BCL2: variants seen among roughly 807,000 people sequenced by gnomAD.
BCL2 encodes the protein apoptosis regulator Bcl-2.
In BCL2, 1 loss-of-function variant was observed where a neutral mutation model predicts 14.2. The observed-to-expected ratio is 0.07, with a 90% confidence interval of 0.02 to 0.33. BCL2 has a LOEUF of 0.33. Ranked by LOEUF, BCL2 falls within the 10% of genes least tolerant of loss-of-function variation. The pLI, the probability that BCL2 is intolerant of heterozygous loss-of-function variation, is 0.99. For missense variants in BCL2, 247 were observed against 305.9 expected (o/e 0.81, Z 1.44); for synonymous variants, 151 against 137.2 (o/e 1.10, Z -0.70).
At chr18:63,237,784 C>T (rs1262113804) in intron 2 of BCL2, among the ~76,000 whole-genome samples, 3 of 152,176 alleles carry the variant, frequency 2.0e-5, no homozygotes, top group Non-Finnish European at 4.4e-5. Flanking sequence ...AGCTTAAACA[C>T]CAAATCTGGA....
chr18:63,266,637 T>TCTCTCTCTCTCTCA (rs1491465885), intron 2 of BCL2, among the ~76,000 whole-genome samples: 2 of 85,940 alleles, frequency 2.3e-5, no homozygotes, highest in African/African-American at 7.2e-5. Context: ...TCTCTCTCTC[T>TCTCTCTCTCTCTCA]CACACACACA....
intron 2 of BCL2, among the ~76,000 whole-genome samples, chr18:63,164,344 G>T (rs1221216612): frequency 1.3e-5 from 2 of 152,186 alleles, no homozygotes; most frequent in Non-Finnish European, 2.9e-5. Flanking sequence ...GCTGCCATTA[G>T]ATTTGCTTAC....
At chr18:63,269,369 TTTTG>T (rs1368593016) in intron 2 of BCL2, among the ~76,000 whole-genome samples, 5 of 152,060 alleles carry the variant, frequency 3.3e-5, no homozygotes, top group African/African-American at 1.2e-4. Context: ...TTCATGAGAC[TTTTG>T]TGGGACCCAC....
At chr18:63,240,587 T>G (rs1910973075) in intron 2 of BCL2, among the ~76,000 whole-genome samples, 1 of 152,242 alleles carries the variant, frequency 6.6e-6, no homozygotes, top group South Asian at 2.1e-4. Context: ...TAAAATTCCA[T>G]GAAGGAAATT....
At chr18:63,242,267 A>C (rs1911028039) in intron 2 of BCL2, among the ~76,000 whole-genome samples, 1 of 152,250 alleles carries the variant, frequency 6.6e-6, no homozygotes, top group Admixed American at 6.5e-5. Flanking sequence ...AAGACCTGAG[A>C]TCACATCTAC....
intron 2 of BCL2, among the ~76,000 whole-genome samples, chr18:63,224,486 G>A (rs576199610): frequency 1.2e-4 from 18 of 152,180 alleles, no homozygotes; most frequent in Admixed American, 3.3e-4. Flanking sequence ...GGGAGATTGC[G>A]TGCAATAAAG....
At chr18:63,247,200 ATTT>A (rs35786465) in intron 2 of BCL2, among the ~76,000 whole-genome samples, 1 of 143,038 alleles carries the variant, frequency 7.0e-6, no homozygotes. Context: ...ATGCAACAGG[ATTT>A]TTTTTTTTTT....
intron 2 of BCL2, among the ~76,000 whole-genome samples, chr18:63,198,145 C>A (rs1277748104): frequency 6.6e-6 from 1 of 151,814 alleles, no homozygotes; most frequent in Non-Finnish European, 1.5e-5. Flanking sequence ...CCCCTGTATA[C>A]GCAAAGATGT....
chr18:63,218,026 T>C (rs549189146), intron 2 of BCL2, among the ~76,000 whole-genome samples: 1 of 152,132 alleles, frequency 6.6e-6, no homozygotes, highest in South Asian at 2.1e-4. Flanking sequence ...GATAGAAAGA[T>C]AGGCCCCAGA....
chr18:63,317,614 T>G, intron 2 of BCL2: 1 of 1,002,068 alleles, frequency 1.0e-6, no homozygotes, highest in Non-Finnish European at 1.2e-6. Flanking sequence ...CGGGTTGTTC[T>G]CCAATTTTAG....
intron 2 of BCL2, among the ~76,000 whole-genome samples, chr18:63,258,069 C>A (rs1174651680): frequency 6.6e-6 from 1 of 152,176 alleles, no homozygotes; most frequent in Non-Finnish European, 1.5e-5. Context: ...AATAGGACTG[C>A]GTCCTTATAG....
intron 2 of BCL2, among the ~76,000 whole-genome samples, chr18:63,147,571 A>C (rs1464478291): frequency 6.6e-6 from 1 of 152,216 alleles, no homozygotes; most frequent in Non-Finnish European, 1.5e-5. Context: ...CACAAGCCAA[A>C]ATCTTCATGG....
intron 2 of BCL2, among the ~76,000 whole-genome samples, chr18:63,241,001 T>C (rs961246367): frequency 2.0e-5 from 3 of 152,244 alleles, no homozygotes; most frequent in African/African-American, 7.2e-5. Context: ...AAAAACCAGA[T>C]AGCAAATATC....
intron 2 of BCL2, among the ~76,000 whole-genome samples, chr18:63,182,980 G>A (rs891591740): frequency 3.3e-5 from 5 of 152,180 alleles, no homozygotes; most frequent in South Asian, 4.1e-4. Flanking sequence ...TTGAAGCCAC[G>A]GTACTGCCTG....
chr18:63,128,163 T>C lies in BCL2; in HGVS notation c.*462A>G, dbSNP rs1913962280. On this transcript the variant is annotated 3_prime_UTR_variant, in exon 3 of 3. Coordinates refer to ENST00000333681, the MANE Select transcript of BCL2 (RefSeq NM_000633.3). The stretch of plus-strand genomic sequence containing the variant: ...GTGAATGAACACCTTCTCCCCAGCC[T>C]CCAGCAGCCAGAAAGCCAGCTTCCC... 1 of 232,400 alleles carries C rather than the reference T, an allele frequency of 4.3e-6. No individual in the cohort carries two copies. Among genetic ancestry groups the C allele is most frequent in the East Asian group, 6.1e-5 (1 of 16,472 alleles). 14.4% of individuals were successfully genotyped at this position (232,400 alleles called of 1,614,324 possible).
intron 2 of BCL2, among the ~76,000 whole-genome samples, chr18:63,277,462 TAA>T (rs11286497): frequency 1.3e-5 from 2 of 151,070 alleles, no homozygotes; most frequent in Non-Finnish European, 2.9e-5. Context: ...TGTCTCTATA[TAA>T]AAAAAAAATT....
intron 2 of BCL2, among the ~76,000 whole-genome samples, chr18:63,299,244 T>C (rs1912887370): frequency 6.6e-6 from 1 of 152,382 alleles, no homozygotes; most frequent in South Asian, 2.1e-4. Context: ...CAGCTGCCTG[T>C]GCATTCATTC....
At chr18:63,240,585 C>T (rs2144191451) in intron 2 of BCL2, among the ~76,000 whole-genome samples, 1 of 152,264 alleles carries the variant, frequency 6.6e-6, no homozygotes, top group Middle Eastern at 3.4e-3. Context: ...TATAAAATTC[C>T]ATGAAGGAAA....
chr18:63,254,383 TAAAAAAAAAAAA>T (rs71162613), intron 2 of BCL2, among the ~76,000 whole-genome samples: 687 of 38,428 alleles, frequency 0.018, 29 homozygotes, highest in African/African-American at 0.076. Context: ...CTGTCTTTGC[TAAAAAAAAAAAA>T]AAAAAAAAAA....
Sources: gnomAD v4.1 joint callset for allele counts (sites outside exome capture counted in the v4.1 genomes callset) on GRCh38, gnomAD v4.1.1 for gene constraint, MANE v1.5 for transcripts, NCBI Gene and HGNC (gene_info 2026-07-23, HGNC 2026-07-21) for gene names.